Variants in MOSMO observed in about 807,000 individuals in gnomAD.
MOSMO encodes the protein modulator of smoothened.
A neutral mutation model predicts 18.4 loss-of-function variants in MOSMO; 5 were observed. The ratio of observed to expected loss-of-function variants is 0.27; its 90% CI spans 0.14 to 0.57. MOSMO has a LOEUF of 0.57. Ranked by LOEUF, MOSMO falls within the 20% of genes least tolerant of loss-of-function variation. The probability of loss-of-function intolerance (pLI) is 0.92; values close to 1 mark genes in which losing one functional copy is unlikely to be tolerated. For synonymous variants in MOSMO, 82 were observed against 82.3 expected (o/e 1.00, Z 0.02); for missense variants, 138 against 211.8 (o/e 0.65, Z 2.16).
intron 1 of MOSMO, among the ~76,000 whole-genome samples, chr16:22,048,963 C>T (rs752312109): frequency 3.3e-5 from 5 of 152,000 alleles, no homozygotes; most frequent in Non-Finnish European, 5.9e-5. Context: ...CTTTTTCTCC[C>T]CTGATATTTC....
intron 1 of MOSMO, among the ~76,000 whole-genome samples, chr16:22,061,485 C>T (rs1323748027): frequency 6.6e-6 from 1 of 152,182 alleles, no homozygotes; most frequent in Non-Finnish European, 1.5e-5. Flanking sequence ...TTAACTCACA[C>T]CCTCCTATGT....
At chr16:22,073,586 T>C (rs1457655034) in intron 1 of MOSMO, among the ~76,000 whole-genome samples, 5 of 152,006 alleles carry the variant, frequency 3.3e-5, no homozygotes, top group African/African-American at 1.2e-4. Flanking sequence ...TTAGTGTTTT[T>C]GTTTAAGAAC....
At chr16:22,031,411 G>A (rs1224836652) in intron 1 of MOSMO, among the ~76,000 whole-genome samples, 1 of 152,140 alleles carries the variant, frequency 6.6e-6, no homozygotes, top group African/African-American at 2.4e-5. Flanking sequence ...CCTTTAAAGT[G>A]TACATTTCAT....
downstream of MOSMO, among the ~76,000 whole-genome samples, chr16:22,089,309 C>T (rs1178128721): frequency 1.3e-5 from 2 of 152,102 alleles, no homozygotes; most frequent in African/African-American, 4.8e-5. Flanking sequence ...CTCAAGCAGT[C>T]CTCCAGCCTC....
chr16:22,079,887 G>A (rs930898245), intron 2 of MOSMO, among the ~76,000 whole-genome samples: 6 of 152,156 alleles, frequency 3.9e-5, no homozygotes, highest in Admixed American at 2.6e-4. Flanking sequence ...AGGTTCAAGT[G>A]ATTCTCCTGC....
rs906648038 is a variant in MOSMO, at chr16:22,051,569, A to G, written c.107-23918A>G. ...TAAGGGAAGTACCAACAACAGCTCC[A>G]TGCCCCTTCCCCCATACCTCACCCT... On this transcript the variant is annotated intron_variant, in intron 1 of 2. Coordinates refer to ENST00000542527, the MANE Select transcript of MOSMO (RefSeq NM_001164579.2). Among the ~76,000 whole-genome samples the G allele has an allele frequency of 2.0e-5, 3 of 152,120 alleles. No individual in the cohort carries two copies. The East Asian group carries it at 5.8e-4, about 29-fold the overall frequency.
chr16:22,016,044 A>G (rs1899629561), intron 1 of MOSMO, among the ~76,000 whole-genome samples: 1 of 152,130 alleles, frequency 6.6e-6, no homozygotes. Flanking sequence ...TCAGTTCTCC[A>G]CTGTTCTGCT....
downstream of MOSMO, among the ~76,000 whole-genome samples, chr16:22,089,241 A>G (rs1901246492): frequency 6.6e-6 from 1 of 151,826 alleles, no homozygotes; most frequent in African/African-American, 2.4e-5. Flanking sequence ...CTAATTTTAA[A>G]ATTTTTTGTA....
At chr16:22,052,951 C>CTTTTT (rs1198266671) in intron 1 of MOSMO, among the ~76,000 whole-genome samples, 18 of 124,096 alleles carry the variant, frequency 1.5e-4, no homozygotes, top group African/African-American at 3.0e-4. Flanking sequence ...CTCTCATCTT[C>CTTTTT]TTTTTTTTTT....
At chr16:22,070,429 C>T (rs1455951193) in intron 1 of MOSMO, among the ~76,000 whole-genome samples, 1 of 152,128 alleles carries the variant, frequency 6.6e-6, no homozygotes, top group Non-Finnish European at 1.5e-5. Context: ...CATAATGGAT[C>T]AAGGACTCTA....
In MOSMO at chr16:22,081,479, CCT is replaced by C. The variant is rs1363610577; in HGVS notation, c.*606_*607del. On this transcript the variant is annotated 3_prime_UTR_variant, in exon 3 of 3. Transcript: ENST00000542527. ...AATGTATGTAAAAATTCTGAAATTC[CCT>C]CTCTCTGTGTACAAAAAAAAAAAAA... 8.4e-6 allele frequency: 1 copy of C among 119,746 alleles called. No individual in the cohort carries two copies. The highest frequency in any genetic ancestry group is 1.6e-5 in the Non-Finnish European group (1 of 61,732). The allele number at this position is 119,746 out of a possible 1,614,324, so 7.4% of individuals were successfully genotyped here. A position where few individuals can be genotyped will look rare whatever the true frequency, so the allele number is the denominator to read the frequency against.
chr16:22,050,888 A>G (rs1031225922), intron 1 of MOSMO, among the ~76,000 whole-genome samples: 54 of 120,950 alleles, frequency 4.5e-4, no homozygotes, highest in African/African-American at 7.6e-4. Context: ...GTCTCTTAAG[A>G]AAAAAAAAAA....
chr16:22,076,277 A>G (rs922606762), intron 2 of MOSMO: 1 of 152,328 alleles, frequency 6.6e-6, no homozygotes, highest in African/African-American at 2.4e-5. Context: ...ACAACACATC[A>G]GAGATTTATC....
At chr16:22,009,966 G>C (rs149171223) in intron 1 of MOSMO, among the ~76,000 whole-genome samples, 3,221 of 152,076 alleles carry the variant, frequency 0.021, 62 homozygotes, top group Non-Finnish European at 0.031. Context: ...ACTCCAGCCT[G>C]GGCGACAGAG....
chr16:22,027,008 C>T (rs1899890268), intron 1 of MOSMO, among the ~76,000 whole-genome samples: 1 of 152,030 alleles, frequency 6.6e-6, no homozygotes, highest in African/African-American at 2.4e-5. Context: ...CCTAAACTGT[C>T]TTTAGTGTGT....
intron 1 of MOSMO, among the ~76,000 whole-genome samples, chr16:22,018,441 A>T (rs950293401): frequency 6.6e-6 from 1 of 152,206 alleles, no homozygotes; most frequent in Admixed American, 6.5e-5. Context: ...CTTTAAGGCC[A>T]CTTAGACTGT....
chr16:22,089,785 G>T (rs930269941), downstream of MOSMO, among the ~76,000 whole-genome samples: 4 of 152,010 alleles, frequency 2.6e-5, no homozygotes, highest in African/African-American at 9.7e-5. Context: ...ACTCTTCCCT[G>T]AATGCACCAA....
chr16:22,064,244 T>C (rs538803241), intron 1 of MOSMO: 2 of 454,344 alleles, frequency 4.4e-6, no homozygotes, highest in East Asian at 6.9e-5. Flanking sequence ...TAATGTTTAG[T>C]CTTTTTGTTA....
chr16:22,021,026 G>A (rs771130344), intron 1 of MOSMO, among the ~76,000 whole-genome samples: 2 of 152,132 alleles, frequency 1.3e-5, no homozygotes, highest in Non-Finnish European at 2.9e-5. Context: ...ATGAGTGAAT[G>A]CAAGTGCATA....
Sources: gnomAD v4.1 joint callset for allele counts (sites outside exome capture counted in the v4.1 genomes callset) on GRCh38, gnomAD v4.1.1 for gene constraint, MANE v1.5 for transcripts, NCBI Gene and HGNC (gene_info 2026-07-23, HGNC 2026-07-21) for gene names.